The following PTPRD variants were observed in gnomAD, a reference collection of about 807,000 sequenced individuals.
PTPRD encodes the protein receptor-type tyrosine-protein phosphatase delta.
In PTPRD, 34 loss-of-function variants were observed where a neutral mutation model predicts 214.5. The ratio of observed to expected loss-of-function variants is 0.16; its 90% confidence interval spans 0.12 to 0.21. The LOEUF is 0.21. Among genes scored for constraint, PTPRD ranks in the 10% least tolerant of loss-of-function variants. The probability of loss-of-function intolerance (pLI) is 1.00; values close to 1 mark genes in which losing one functional copy is unlikely to be tolerated. For missense variants in PTPRD, 2,545 were observed against 2,398.7 expected, an observed-to-expected ratio of 1.06 and a Z score of -1.27; for synonymous variants, 1,128 against 845.7, an observed-to-expected ratio of 1.33 and a Z score of -5.79.
intron 3 of PTPRD, among the ~76,000 whole-genome samples, chr9:10,101,572 C>T (rs1397316393): frequency 2.0e-5 from 3 of 151,634 alleles, no homozygotes; most frequent in African/African-American, 7.3e-5. Flanking sequence ...AGAAGGATCA[C>T]CTTCAATGAT....
intron 5 of PTPRD, among the ~76,000 whole-genome samples, chr9:9,796,422 G>A (rs2099002861): frequency 6.6e-6 from 1 of 152,138 alleles, no homozygotes; most frequent in Non-Finnish European, 1.5e-5. Flanking sequence ...ATATCCGGGA[G>A]GAGGTTGAAA....
intron 8 of PTPRD, among the ~76,000 whole-genome samples, chr9:9,470,322 T>C (rs2094502767): frequency 6.6e-6 from 1 of 152,216 alleles, no homozygotes. Flanking sequence ...CTTGAAGTAC[T>C]GGAAACAGCA....
chr9:10,532,865 T>G (rs930603701), intron 2 of PTPRD, among the ~76,000 whole-genome samples: 7 of 151,982 alleles, frequency 4.6e-5, no homozygotes, highest in African/African-American at 1.7e-4. Context: ...TTATGGCTCC[T>G]CATGTAAATT....
At chr9:8,335,525 C>T (rs910455049) in intron 43 of PTPRD, among the ~76,000 whole-genome samples, 9 of 152,186 alleles carry the variant, frequency 5.9e-5, no homozygotes, top group African/African-American at 1.9e-4. Flanking sequence ...GATAAACGCA[C>T]AGCCACTGTC....
At chr9:10,134,623 C>T (rs73641858) in intron 3 of PTPRD, among the ~76,000 whole-genome samples, 8,418 of 152,032 alleles carry the variant, frequency 0.055, 823 homozygotes, top group African/African-American at 0.19. Flanking sequence ...ATACTTTGCC[C>T]TCTGAAAGCA....
intron 10 of PTPRD, among the ~76,000 whole-genome samples, chr9:9,089,514 A>G (rs1444366183): frequency 3.3e-5 from 5 of 152,194 alleles, no homozygotes; most frequent in Admixed American, 3.3e-4. Flanking sequence ...TAAATGCTCC[A>G]TGAAGCTTCT....
chr9:8,767,474 T>C (rs10511508), intron 11 of PTPRD, among the ~76,000 whole-genome samples: 7,327 of 152,234 alleles, frequency 0.048, 444 homozygotes, highest in African/African-American at 0.14. Context: ...AGATCATTTA[T>C]ATAGGAACTC....
chr9:8,813,707 G>A (rs962445527), intron 11 of PTPRD, among the ~76,000 whole-genome samples: 11 of 152,238 alleles, frequency 7.2e-5, no homozygotes, highest in Admixed American at 4.6e-4. Flanking sequence ...TGTGAGGCTC[G>A]CTTCTCTTAA....
intron 10 of PTPRD, among the ~76,000 whole-genome samples, chr9:9,165,044 T>A (rs1003988379): frequency 7.2e-5 from 8 of 111,842 alleles, no homozygotes; most frequent in Non-Finnish European, 1.1e-4. Context: ...AGAGCAAGAC[T>A]CCATCTCAAA....
chr9:9,843,773 A>G (rs1452464994), intron 5 of PTPRD, among the ~76,000 whole-genome samples: 1 of 152,052 alleles, frequency 6.6e-6, no homozygotes, highest in Non-Finnish European at 1.5e-5. Flanking sequence ...CTGATTAAAT[A>G]ATATTAAAAT....
intron 33 of PTPRD, among the ~76,000 whole-genome samples, chr9:8,455,883 T>C (rs1366854759): frequency 6.6e-6 from 1 of 152,212 alleles, no homozygotes; most frequent in African/African-American, 2.4e-5. Context: ...AAGGCTGTTT[T>C]GAGTATTCAT....
At chr9:10,396,175 C>T (rs1024966957) in intron 2 of PTPRD, among the ~76,000 whole-genome samples, 10 of 151,896 alleles carry the variant, frequency 6.6e-5, no homozygotes, top group African/African-American at 2.4e-4. Flanking sequence ...AAGATGGATC[C>T]TTTACTTACA....
intron 30 of PTPRD, among the ~76,000 whole-genome samples, chr9:8,471,692 C>T (rs910690508): frequency 4.6e-5 from 7 of 152,034 alleles, no homozygotes; most frequent in African/African-American, 1.7e-4. Context: ...GAGAAAATCA[C>T]GACTTAAGGG....
chr9:10,199,892 G>A (rs294823), intron 3 of PTPRD, among the ~76,000 whole-genome samples: 83,069 of 150,928 alleles, frequency 0.55, 26,005 homozygotes, highest in African/African-American at 0.87. Flanking sequence ...CAAGTACATG[G>A]GCACTCGCGC....
At chr9:9,679,135 C>T (rs1231740021) in intron 7 of PTPRD, among the ~76,000 whole-genome samples, 2 of 137,138 alleles carry the variant, frequency 1.5e-5, no homozygotes, top group African/African-American at 5.3e-5. Context: ...AAAAAAAAAA[C>T]CTAGAAGAAA....
At chr9:8,419,301 A>G (rs1395210933) in intron 35 of PTPRD, among the ~76,000 whole-genome samples, 1 of 151,904 alleles carries the variant, frequency 6.6e-6, no homozygotes, top group Admixed American at 6.6e-5. Context: ...AGTAAACAGA[A>G]TTTTATTCTG....
intron 8 of PTPRD, among the ~76,000 whole-genome samples, chr9:9,493,987 A>T (rs1386380718): frequency 6.6e-6 from 1 of 152,104 alleles, no homozygotes; most frequent in African/African-American, 2.4e-5. Flanking sequence ...ATCAACCGTA[A>T]CAGAGTTTGG....
intron 33 of PTPRD, among the ~76,000 whole-genome samples, chr9:8,456,744 T>C (rs2096218573): frequency 6.6e-6 from 1 of 152,010 alleles, no homozygotes; most frequent in Non-Finnish European, 1.5e-5. Context: ...TTCCACATCC[T>C]GGGATGGGGA....
chr9:10,556,830 A>G (rs1401307461), intron 2 of PTPRD, among the ~76,000 whole-genome samples: 1 of 152,138 alleles, frequency 6.6e-6, no homozygotes, highest in African/African-American at 2.4e-5. Flanking sequence ...AAATACTTCA[A>G]CTAATTTTAA....
Sources: gnomAD v4.1 joint callset for allele counts (sites outside exome capture counted in the v4.1 genomes callset) on GRCh38, gnomAD v4.1.1 for gene constraint, MANE v1.5 for transcripts, NCBI Gene and HGNC (gene_info 2026-07-23, HGNC 2026-07-21) for gene names.